MEI1: variants seen among roughly 807,000 people sequenced by gnomAD.
MEI1 encodes the protein meiotic double-stranded break formation protein 1, also known as meiosis inhibitor protein 1.
In MEI1, 103 loss-of-function variants were observed where a neutral mutation model predicts 146.2. The observed-to-expected ratio is 0.70, with a 90% CI of 0.60 to 0.83. MEI1 has a LOEUF of 0.83. Among genes scored for constraint, MEI1 ranks in the 40% least tolerant of loss-of-function variants. The pLI, the probability that MEI1 is intolerant of heterozygous loss-of-function variation, is 0.00. For missense variants in MEI1, 1,529 were observed against 1,533.0 expected (o/e 1.00, Z 0.04); for synonymous variants, 652 against 628.2 (o/e 1.04, Z -0.57).
Position 41,781,844 on chromosome 22 carries a change from A to G in MEI1, c.3086A>G (p.Gln1029Arg). ...FSAQQHKGSL[Q>R]VHQTLSVEMD... is the part of the protein sequence containing the mutation. ...GCCCAGCAGCACAAGGGCAGTTTGCAGGTTAGTCTTTAACTCCTGTGGCTT... is the reference window on the plus strand; with the variant it reads ...GCCCAGCAGCACAAGGGCAGTTTGCGGGTTAGTCTTTAACTCCTGTGGCTT... Residue 1029 changes from glutamine to arginine, a missense_variant and splice_region_variant, in exon 24 of 31, where the codon CAG becomes CGG. Gln to Arg is a conservative substitution (Grantham distance 43, BLOSUM62 1). Transcript: ENST00000401548. 7 of 1,613,910 alleles carry G rather than the reference A, an allele frequency of 4.3e-6. No individual in the cohort carries two copies. Among genetic ancestry groups the G allele is most frequent in the Non-Finnish European group, 5.9e-6 (7 of 1,179,872 alleles).
chr22:41,721,770 G>C (rs2070842110), intron 6 of MEI1, among the ~76,000 whole-genome samples: 1 of 136,864 alleles, frequency 7.3e-6, no homozygotes, highest in East Asian at 2.1e-4. Context: ...CACCATGCTG[G>C]AGTGCAGTCG....
chr22:41,720,989 C>G (rs2070731880), intron 6 of MEI1, among the ~76,000 whole-genome samples: 1 of 151,366 alleles, frequency 6.6e-6, no homozygotes, highest in Admixed American at 6.6e-5. Flanking sequence ...CCATGTTAGC[C>G]AGGATGGTCT....
chr22:41,793,810 T>C lies in MEI1; in HGVS notation c.3346-19T>C, dbSNP rs777268199. The C allele has an allele frequency of 1.3e-6, 2 of 1,526,686 alleles. No individual in the cohort carries two copies. Among genetic ancestry groups the C allele is most frequent in the Non-Finnish European group, 1.8e-6 (2 of 1,141,504 alleles). The allele number at this position is 1,526,686 out of a possible 1,614,324, so 94.6% of individuals were successfully genotyped here. A position where few individuals can be genotyped will look rare whatever the true frequency, so the allele number is the denominator to read the frequency against. ...TTGGTAGCAAAACCTGACCTGATTT[T>C]TTTTTTTTTTTTCTGCAGAAGGACC... is the stretch of plus-strand genomic sequence containing the variant. On this transcript the variant is annotated intron_variant, in intron 26 of 30. Coordinates refer to ENST00000401548, the MANE Select transcript of MEI1 (RefSeq NM_152513.4).
intron 12 of MEI1, 100 bp downstream of exon 12, chr22:41,743,294 C>A: frequency 1.3e-6 from 1 of 782,718 alleles, no homozygotes; most frequent in African/African-American, 1.7e-5. Context: ...TATTTCATGA[C>A]TTTTTCTCAT....
At chr22:41,736,498 G>A (rs991892923) in intron 11 of MEI1, among the ~76,000 whole-genome samples, 3 of 151,932 alleles carry the variant, frequency 2.0e-5, no homozygotes, top group Admixed American at 6.6e-5. Flanking sequence ...TGTGATCTGC[G>A]TGCCTCTGCC....
intron 3 of MEI1, among the ~76,000 whole-genome samples, chr22:41,713,736 C>T (rs538872976): frequency 2.6e-5 from 4 of 152,222 alleles, no homozygotes; most frequent in Admixed American, 6.5e-5. Context: ...CTAATAGAGA[C>T]GAGGTTTCTC....
chr22:41,710,624 T>C (rs769417212), intron 3 of MEI1, among the ~76,000 whole-genome samples: 15 of 152,194 alleles, frequency 9.9e-5, no homozygotes, highest in Non-Finnish European at 2.1e-4. Context: ...GAGTATGGGA[T>C]AAGGGCAGTG....
intron 3 of MEI1, among the ~76,000 whole-genome samples, chr22:41,712,072 C>T (rs975404334): frequency 9.3e-5 from 14 of 150,282 alleles, no homozygotes; most frequent in Non-Finnish European, 1.8e-4. Context: ...GCGTGGGGGG[C>T]GGGTGCCTGT....
chr22:41,745,871 C>T lies in MEI1; in HGVS notation c.1539-14C>T. On this transcript the variant is annotated splice_polypyrimidine_tract_variant and intron_variant, in intron 13 of 30. Coordinates refer to ENST00000401548, the MANE Select transcript of MEI1 (RefSeq NM_152513.4). ...ATAGGTGGTAGTGGATATACTCACA[C>T]ATTGATTTCTTAGGTTGGCTATAGA... The T allele has an allele frequency of 1.2e-6, 2 of 1,601,784 alleles. No individual in the cohort carries two copies. The highest frequency in any genetic ancestry group is 1.7e-6 in the Non-Finnish European group (2 of 1,171,276).
intron 22 of MEI1, 69 bp from the exon 23 acceptor site, chr22:41,781,215 G>T: frequency 4.5e-6 from 5 of 1,110,528 alleles, no homozygotes; most frequent in Non-Finnish European, 6.7e-6. Context: ...ATAGCCAGTC[G>T]CAGGCTACCA....
chr22:41,716,446 G>A (rs1325975065), intron 5 of MEI1, among the ~76,000 whole-genome samples: 10 of 141,610 alleles, frequency 7.1e-5, no homozygotes, highest in East Asian at 2.0e-4. Context: ...GCGCAATCTC[G>A]ACTCACTGCA....
chr22:41,736,291 C>G (rs2072359449), intron 11 of MEI1, among the ~76,000 whole-genome samples: 1 of 150,540 alleles, frequency 6.6e-6, no homozygotes, highest in East Asian at 1.9e-4. Context: ...GCTTTGTCTC[C>G]CACGCTGGAG....
At chr22:41,746,227 GA>G (rs2073280111) in intron 14 of MEI1, among the ~76,000 whole-genome samples, 1 of 152,104 alleles carries the variant, frequency 6.6e-6, no homozygotes, top group Admixed American at 6.6e-5. Flanking sequence ...TTCATCTTAA[GA>G]AAAAATAGAA....
rs1601965238 is a variant in MEI1 at position 41,758,379 on chromosome 22, T to C, written c.1966T>C (p.Ser656Pro). The change falls in exon 18 of 31, where the codon TCT (serine) becomes CCT (proline). Residue 656 changes from serine (S) to proline (P), a missense_variant. Around this residue, in one of 3 missense-constraint regions of MEI1, gnomAD observed 1,212 missense variants for 1,178.9 expected, o/e 1.03. Coordinates refer to ENST00000401548, the MANE Select transcript of MEI1 (RefSeq NM_152513.4). ...TCCCTCCCTAGAACTCTCTGCAGTG[T>C]CTGAGCTCCTGCAGCATGGGCTGCC... ...PPSKEELSAVSELLQHGLPQI... is the reference protein window; with the variant it reads ...PPSKEELSAVPELLQHGLPQI... 6 of 1,613,492 alleles carry C rather than the reference T, an allele frequency of 3.7e-6. No individual in the cohort carries two copies. The highest frequency in any genetic ancestry group is 5.1e-6 in the Non-Finnish European group (6 of 1,179,630).
chr22:41,700,009 C>T (rs1172578859), intron 1 of MEI1, among the ~76,000 whole-genome samples: 2 of 152,264 alleles, frequency 1.3e-5, no homozygotes, highest in Non-Finnish European at 2.9e-5. Context: ...CACCTTCCCG[C>T]CTTCCGCCTT....
intron 6 of MEI1, among the ~76,000 whole-genome samples, chr22:41,720,311 A>C (rs1347169111): frequency 1.2e-4 from 19 of 152,192 alleles, no homozygotes; most frequent in Admixed American, 1.2e-3. Context: ...ATAGAACAAA[A>C]GGGTGCAAAT....
chr22:41,773,576 AAAAAAG>A (rs1286398909), intron 20 of MEI1, among the ~76,000 whole-genome samples: 2 of 151,658 alleles, frequency 1.3e-5, no homozygotes, highest in African/African-American at 4.8e-5. Context: ...AAAAAAAAAA[AAAAAAG>A]AACAGCAAGG....
At chr22:41,785,949 C>T (rs1275358090) in intron 26 of MEI1, among the ~76,000 whole-genome samples, 1 of 122,860 alleles carries the variant, frequency 8.1e-6, no homozygotes, top group African/African-American at 3.2e-5. Context: ...CTCGCTCTGT[C>T]GCCCAGGCTG....
At chr22:41,760,003 A>T (rs961254148) in intron 18 of MEI1, among the ~76,000 whole-genome samples, 1 of 151,590 alleles carries the variant, frequency 6.6e-6, no homozygotes, top group African/African-American at 2.4e-5. Flanking sequence ...GTGAAACCCC[A>T]TCTCTACTAA....
Sources: allele counts gnomAD v4.1 joint callset (sites outside exome capture counted in the v4.1 genomes callset), GRCh38; gene constraint gnomAD v4.1.1; regional missense constraint gnomAD v4.1.1; transcripts MANE v1.5; gene names NCBI Gene and HGNC (gene_info 2026-07-23, HGNC 2026-07-21).